BPIFB4: variants seen among roughly 807,000 people sequenced by gnomAD.
The protein encoded by BPIFB4 is BPI fold-containing family B member 4.
Under a neutral mutation model 69.2 loss-of-function variants are expected in BPIFB4, and 62 were observed. The observed-to-expected ratio is 0.90, with a 90% CI of 0.73 to 1.11. The LOEUF is 1.11. BPIFB4 is among the 50% of genes least tolerant of loss of function. BPIFB4 has a pLI of 0.00. For missense variants in BPIFB4, 789 were observed against 792.0 expected, an observed-to-expected ratio of 1.00 and a Z score of 0.04; for synonymous variants, 330 against 332.7, an observed-to-expected ratio of 0.99 and a Z score of 0.09.
chr20:33,098,603 G>A (rs530533090), intron 13 of BPIFB4, among the ~76,000 whole-genome samples: 1 of 152,054 alleles, frequency 6.6e-6, no homozygotes, highest in East Asian at 1.9e-4. Flanking sequence ...AAATCAGCTG[G>A]ATGTGGTGGC....
chr20:33,083,435 A>C lies in BPIFB4; in HGVS notation c.238A>C (p.Lys80Gln). Residue 80 changes from lysine (K) to glutamine (Q), a missense_variant, in exon 5 of 18, where the codon AAA becomes CAA. By Grantham distance (53) the Lys-to-Gln change is moderately conservative. Transcript: ENST00000375483. Reference protein sequence around the residue: ...GPPPVYTNGKKLDGIYQYGHI... With the variant: ...GPPPVYTNGKQLDGIYQYGHI... ...CCCCCCAGTATATACCAACGGCAAA[A>C]AACTTGATGGTATTTACCAGTATGG... The C allele has an allele frequency of 6.2e-7, 1 of 1,613,658 alleles. No homozygotes were observed. Among genetic ancestry groups the C allele is most frequent in the East Asian group, 2.2e-5 (1 of 44,844 alleles).
chr20:33,102,801 C>T (rs1412064472), intron 14 of BPIFB4, among the ~76,000 whole-genome samples, 171 bp from the exon 15 acceptor site: 2 of 152,170 alleles, frequency 1.3e-5, no homozygotes, highest in Non-Finnish European at 2.9e-5. Context: ...TGGTGTCCGA[C>T]GTGTAGTTAG....
intron 16 of BPIFB4, 45 bp downstream of exon 16, chr20:33,104,918 T>C (rs982267818): frequency 6.4e-7 from 1 of 1,564,290 alleles, no homozygotes; most frequent in Admixed American, 1.7e-5. Context: ...GTGGCTTGGG[T>C]ACTGGGGGAT....
intron 11 of BPIFB4, 24 bp from the exon 12 acceptor site, chr20:33,095,076 G>T (rs201894420): frequency 2.9e-5 from 47 of 1,595,602 alleles, no homozygotes; most frequent in East Asian, 6.7e-5. Flanking sequence ...CAGGATTCAC[G>T]TGGCCCTTCT....
At chr20:33,093,542 C>G (rs1201250932) in intron 11 of BPIFB4, among the ~76,000 whole-genome samples, 2 of 150,398 alleles carry the variant, frequency 1.3e-5, no homozygotes, top group African/African-American at 2.4e-5. Flanking sequence ...ACTCATCAAC[C>G]CACCCATCCT....
At position 33,111,599 on chromosome 20, in the gene BPIFB4, G is replaced by T; in HGVS notation, c.*162G>T. ...CCTCCCTTGCCCCAACCCTGAGAAA[G>T]GGTCCAGCCACTACCCTGTTGGCAA... On this transcript the variant is annotated 3_prime_UTR_variant, in exon 18 of 18. Coordinates refer to ENST00000375483, the MANE Select transcript of BPIFB4 (RefSeq NM_182519.3). 1.2e-6 allele frequency: 1 copy of T among 836,108 alleles called. No individual in the cohort carries two copies. Among genetic ancestry groups the T allele is most frequent in the Non-Finnish European group, 1.9e-6 (1 of 529,746 alleles). 51.8% of individuals were successfully genotyped at this position (836,108 alleles called of 1,614,324 possible). A position where few individuals can be genotyped will look rare whatever the true frequency, so the allele number is the denominator to read the frequency against.
chr20:33,082,549 GT>G (rs1981266746), intron 3 of BPIFB4, among the ~76,000 whole-genome samples: 1 of 152,100 alleles, frequency 6.6e-6, no homozygotes, highest in Non-Finnish European at 1.5e-5. Context: ...GGCCAGGCTG[GT>G]CTCTAACTCC....
At chr20:33,083,920 A>G in intron 5 of BPIFB4, 46 bp downstream of exon 5, 1 of 1,539,118 alleles carries the variant, frequency 6.5e-7, no homozygotes, top group Non-Finnish European at 8.7e-7. Context: ...ATACACCTCC[A>G]AATGGGGGTG....
chr20:33,097,619 G>A lies in BPIFB4; in HGVS notation c.1401G>A (p.Val467=). The change falls in exon 13 of 18, where the codon GTG becomes GTA. Residue 467 remains valine, a splice_region_variant and synonymous_variant. Coordinates refer to ENST00000375483, the MANE Select transcript of BPIFB4 (RefSeq NM_182519.3). The part of the protein sequence containing the change: ...TATLGALIPK[V]FQQYPESCPL... The stretch of plus-strand genomic sequence containing the variant: ...TCTGGCCTGGTGCCTGCCCACAGGT[G>A]TTCCAGCAGTACCCCGAGTCCTGCC... 3 of 1,613,700 alleles carry A rather than the reference G, an allele frequency of 1.9e-6. No individual in the cohort carries two copies. The highest frequency in any genetic ancestry group is 2.5e-6 in the Non-Finnish European group (3 of 1,179,754).
At chr20:33,085,842 G>A (rs1270401570) in intron 6 of BPIFB4, among the ~76,000 whole-genome samples, 179 bp from the exon 7 acceptor site, 3 of 152,206 alleles carry the variant, frequency 2.0e-5, no homozygotes, top group Non-Finnish European at 4.4e-5. Context: ...GGGCTGAGGG[G>A]GAGATAGACT....
chr20:33,108,812 T>A (rs558754904), intron 17 of BPIFB4, among the ~76,000 whole-genome samples: 1 of 152,356 alleles, frequency 6.6e-6, no homozygotes, highest in African/African-American at 2.4e-5. Flanking sequence ...GATGCTGCAG[T>A]GAACATCTCA....
At chr20:33,109,638 T>C (rs966340789) in intron 17 of BPIFB4, among the ~76,000 whole-genome samples, 7 of 152,232 alleles carry the variant, frequency 4.6e-5, no homozygotes, top group African/African-American at 1.7e-4. Flanking sequence ...GTGCATATTT[T>C]CATATCAAAA....
intron 14 of BPIFB4, among the ~76,000 whole-genome samples, chr20:33,100,887 C>T (rs139573478): frequency 6.8e-6 from 1 of 147,674 alleles, no homozygotes; most frequent in East Asian, 1.9e-4. Flanking sequence ...TAGGTACACA[C>T]GTGTAGTCCT....
At position 33,083,406 on chromosome 20, in the gene BPIFB4, G is replaced by A; in HGVS notation, c.209G>A (p.Gly70Glu). Residue 70 changes from glycine to glutamate, a missense_variant, in exon 5 of 18, where the codon GGA becomes GAA. Physicochemically the swap from Gly to Glu is moderately conservative, Grantham distance 98. Coordinates refer to ENST00000375483, the MANE Select transcript of BPIFB4 (RefSeq NM_182519.3). ...CCCTACAATGACTTCCATGTCCGAGGACCCCCCCCAGTATATACCAACGGC... is the reference window on the plus strand; with the variant it reads ...CCCTACAATGACTTCCATGTCCGAGAACCCCCCCCAGTATATACCAACGGC... ...DIPYNDFHVR[G>E]PPPVYTNGKK... 6.2e-7 allele frequency: 1 copy of A among 1,613,230 alleles called. No homozygotes were observed. Among genetic ancestry groups the A allele is most frequent in the Non-Finnish European group, 8.5e-7 (1 of 1,179,580 alleles).
In BPIFB4 at chr20:33,101,276, G is replaced by A. The variant is rs146901692; in HGVS notation, c.1637+783G>A. Among the ~76,000 whole-genome samples the A allele has an allele frequency of 5.3e-4, 80 of 152,232 alleles. No individual in the cohort carries two copies. In the East Asian group the frequency reaches 0.014, roughly 27 times the overall value. ...GGCCACCCAGCAAGTACATAGAGGG[G>A]CTGTGAGCCAACCCAGGTTCATGTG... On this transcript the variant is annotated intron_variant, in intron 14 of 17. Transcript: ENST00000375483.
intron 13 of BPIFB4, among the ~76,000 whole-genome samples, chr20:33,099,476 AGGGATGCAGCCCTGACTCCTCCCCAGC>A (rs1407939595): frequency 1.3e-5 from 2 of 152,158 alleles, no homozygotes; most frequent in Non-Finnish European, 2.9e-5. Context: ...CTGCTGTCCC[AGGGATGCAGCCCTGACTCCTCCCCAGC>A]GCACAGCTCT....
At position 33,111,520 on chromosome 20, in the gene BPIFB4, C is replaced by A. The variant is rs1182094435; in HGVS notation, c.*83C>A. ...GCTCGGCCTGGAAACAGTCCCCTGC[C>A]CAGAGTCCCCTCAGCCTCCATGACA... On this transcript the variant is annotated 3_prime_UTR_variant, in exon 18 of 18. Coordinates refer to ENST00000375483, the MANE Select transcript of BPIFB4 (RefSeq NM_182519.3). 1 of 1,547,284 alleles carries A rather than the reference C, an allele frequency of 6.5e-7. No homozygotes were observed. Among genetic ancestry groups the A allele is most frequent in the South Asian group, 1.1e-5 (1 of 87,878 alleles).
Position 33,111,523 on chromosome 20 carries a change from G to T in BPIFB4, c.*86G>T. On this transcript the variant is annotated 3_prime_UTR_variant, in exon 18 of 18. Coordinates refer to ENST00000375483, the MANE Select transcript of BPIFB4 (RefSeq NM_182519.3). The stretch of plus-strand genomic sequence containing the variant: ...CGGCCTGGAAACAGTCCCCTGCCCA[G>T]AGTCCCCTCAGCCTCCATGACAGGT... 6.5e-7 allele frequency: 1 copy of T among 1,543,178 alleles called. No homozygotes were observed. Among genetic ancestry groups the T allele is most frequent in the East Asian group, 2.3e-5 (1 of 43,804 alleles).
intron 17 of BPIFB4, among the ~76,000 whole-genome samples, chr20:33,108,286 A>G (rs1377049244): frequency 1.3e-5 from 2 of 152,068 alleles, no homozygotes; most frequent in Non-Finnish European, 2.9e-5. Flanking sequence ...TAATTGGCTA[A>G]TTATAATCAT....
Sources: gnomAD v4.1 joint callset for allele counts (sites outside exome capture counted in the v4.1 genomes callset) on GRCh38, gnomAD v4.1.1 for gene constraint, MANE v1.5 for transcripts, NCBI Gene and HGNC (gene_info 2026-07-23, HGNC 2026-07-21) for gene names.